The following CSRNP3 variants were observed in gnomAD, a reference collection of about 807,000 sequenced individuals.
CSRNP3 encodes the protein cysteine and serine rich nuclear protein 3, also known as cysteine/serine-rich nuclear protein 3.
In CSRNP3, 12 loss-of-function variants were observed where a neutral mutation model predicts 48.0. The observed-to-expected ratio is 0.25, with a 90% CI of 0.16 to 0.41. CSRNP3 has a LOEUF of 0.41. Among genes scored for constraint, CSRNP3 ranks in the 10% least tolerant of loss-of-function variants. The pLI, the probability that CSRNP3 is intolerant of heterozygous loss-of-function variation, is 1.00. For missense variants in CSRNP3, 580 were observed against 724.4 expected (o/e 0.80, Z 2.29); for synonymous variants, 263 against 269.7 (o/e 0.98, Z 0.24).
At chr2:165,585,351 T>C (rs963778836) in intron 3 of CSRNP3, among the ~76,000 whole-genome samples, 9 of 152,086 alleles carry the variant, frequency 5.9e-5, no homozygotes, top group Non-Finnish European at 1.3e-4. Context: ...TTGTGAATAT[T>C]TTTACTTTTG....
At chr2:165,590,245 C>T (rs1371486768) in intron 3 of CSRNP3, among the ~76,000 whole-genome samples, 5 of 152,140 alleles carry the variant, frequency 3.3e-5, no homozygotes, top group Admixed American at 3.3e-4. Flanking sequence ...ATGTATCTTC[C>T]TATTGCTGTC....
At chr2:165,520,781 TATTATA>T (rs1215462290) in intron 3 of CSRNP3, among the ~76,000 whole-genome samples, 7 of 8,822 alleles carry the variant, frequency 7.9e-4, no homozygotes, top group Non-Finnish European at 1.2e-3. Context: ...TATATATATA[TATTATA>T]TATATATATA....
chr2:165,678,973 A>G lies in CSRNP3; in HGVS notation c.978A>G (p.Ala326=). Residue 326 remains alanine, a synonymous_variant, in exon 7 of 7, where the codon GCA becomes GCG. Transcript: ENST00000651982. ...AGATTGAAACTGAGCCCCAGGCTGC[A>G]GTGCTGCACCTGCAGTCGGCTGAAG... ...SFEIETEPQA[A]VLHLQSAEEL... is the part of the protein sequence containing the mutation. 3 of 1,614,048 alleles carry G rather than the reference A, an allele frequency of 1.9e-6. No individual in the cohort carries two copies. Among genetic ancestry groups the G allele is most frequent in the Non-Finnish European group, 2.5e-6 (3 of 1,179,992 alleles).
At chr2:165,521,777 G>A (rs1230585118) in intron 3 of CSRNP3, among the ~76,000 whole-genome samples, 1 of 152,172 alleles carries the variant, frequency 6.6e-6, no homozygotes, top group South Asian at 2.1e-4. Context: ...AGGGCGTTTA[G>A]CAGCATTTCT....
Position 165,472,199 on chromosome 2 carries a change from G to T in CSRNP3, c.-283+2459G>T, listed in dbSNP as rs376119916. Among the ~76,000 whole-genome samples the T allele has an allele frequency of 2.0e-5, 3 of 152,072 alleles. No homozygotes were observed. In the East Asian group the frequency reaches 5.8e-4, roughly 29 times the overall value. ...AAGCTTGGTATATGTCCAGGCTATGGATAGTGAGGAGCATTCAATACACAT... is the reference window on the plus strand; with the variant it reads ...AAGCTTGGTATATGTCCAGGCTATGTATAGTGAGGAGCATTCAATACACAT... On this transcript the variant is annotated intron_variant, in intron 1 of 6. Coordinates refer to ENST00000651982, the MANE Select transcript of CSRNP3 (RefSeq NM_001172173.2).
intron 4 of CSRNP3, among the ~76,000 whole-genome samples, chr2:165,643,795 C>G (rs1332408353): frequency 6.6e-6 from 1 of 152,152 alleles, no homozygotes; most frequent in Admixed American, 6.5e-5. Flanking sequence ...ATCACCATTA[C>G]CCCTACAACA....
chr2:165,669,534 T>A (rs184477159), intron 5 of CSRNP3, among the ~76,000 whole-genome samples: 1 of 152,212 alleles, frequency 6.6e-6, no homozygotes, highest in South Asian at 2.1e-4. Context: ...GCTGTCTGGG[T>A]ATCATTCCAC....
intron 4 of CSRNP3, among the ~76,000 whole-genome samples, chr2:165,639,605 C>T (rs1686692757): frequency 6.6e-6 from 1 of 152,060 alleles, no homozygotes; most frequent in South Asian, 2.1e-4. Context: ...AGTTGCCATA[C>T]CCAACAGCAA....
At chr2:165,529,537 C>T (rs535231561) in intron 3 of CSRNP3, among the ~76,000 whole-genome samples, 1 of 152,236 alleles carries the variant, frequency 6.6e-6, no homozygotes, top group Admixed American at 6.5e-5. Flanking sequence ...TTTTCTTCCC[C>T]TCTCAGGTAT....
At chr2:165,678,517 C>T (rs1185650335) in intron 6 of CSRNP3, among the ~76,000 whole-genome samples, 184 bp from the exon 7 acceptor site, 2 of 152,132 alleles carry the variant, frequency 1.3e-5, no homozygotes, top group African/African-American at 4.8e-5. Flanking sequence ...AAGCAGTTAA[C>T]TCTTATGTTT....
At chr2:165,569,554 T>C (rs1053835346) in intron 3 of CSRNP3, among the ~76,000 whole-genome samples, 7 of 152,052 alleles carry the variant, frequency 4.6e-5, no homozygotes, top group African/African-American at 1.7e-4. Context: ...TTGACATAAT[T>C]TTTTTCCAAT....
chr2:165,538,177 A>C (rs1684906236), intron 3 of CSRNP3, among the ~76,000 whole-genome samples: 1 of 151,956 alleles, frequency 6.6e-6, no homozygotes, highest in Admixed American at 6.6e-5. Context: ...TCTGCATATA[A>C]AAATACCCCT....
chr2:165,511,735 C>T (rs1005561806), intron 2 of CSRNP3, among the ~76,000 whole-genome samples: 2 of 152,082 alleles, frequency 1.3e-5, no homozygotes, highest in African/African-American at 4.8e-5. Flanking sequence ...TAGAGCCAAG[C>T]CATGAATTAT....
intron 5 of CSRNP3, among the ~76,000 whole-genome samples, chr2:165,663,648 G>A (rs1007547657): frequency 2.0e-5 from 3 of 152,096 alleles, no homozygotes; most frequent in Non-Finnish European, 4.4e-5. Context: ...AACAACCATT[G>A]GACTGTTAAT....
chr2:165,677,654 T>C (rs1055295560), intron 6 of CSRNP3, among the ~76,000 whole-genome samples: 22 of 152,050 alleles, frequency 1.4e-4, no homozygotes, highest in African/African-American at 5.3e-4. Context: ...GGGGCCAAGA[T>C]GATTGTATTA....
intron 2 of CSRNP3, among the ~76,000 whole-genome samples, chr2:165,498,776 G>A (rs951025121): frequency 2.6e-5 from 4 of 152,046 alleles, no homozygotes; most frequent in East Asian, 1.9e-4. Flanking sequence ...CGCTCACATC[G>A]TTTGAAGGAT....
intron 3 of CSRNP3, among the ~76,000 whole-genome samples, chr2:165,578,087 G>T (rs939594663): frequency 6.6e-6 from 1 of 151,934 alleles, no homozygotes; most frequent in Admixed American, 6.6e-5. Context: ...GGAAAATGAG[G>T]AGTCTCTAAC....
intron 4 of CSRNP3, among the ~76,000 whole-genome samples, chr2:165,620,183 G>T (rs993556779): frequency 4.6e-5 from 7 of 152,048 alleles, no homozygotes; most frequent in African/African-American, 1.7e-4. Context: ...TGATCAATGT[G>T]ATATATAGCC....
intron 2 of CSRNP3, among the ~76,000 whole-genome samples, chr2:165,508,071 C>T (rs1213239995): frequency 6.6e-6 from 1 of 151,912 alleles, no homozygotes; most frequent in Non-Finnish European, 1.5e-5. Context: ...GTAAAGGTCT[C>T]CGTCTTTTAT....
Sources: gnomAD v4.1 joint callset for allele counts (sites outside exome capture counted in the v4.1 genomes callset) on GRCh38, gnomAD v4.1.1 for gene constraint, MANE v1.5 for transcripts, NCBI Gene and HGNC (gene_info 2026-07-23, HGNC 2026-07-21) for gene names.